The following SURF6 variants were observed in gnomAD, a reference collection of about 807,000 sequenced individuals.
SURF6 encodes the protein surfeit locus protein 6.
SURF6 carries 28 observed loss-of-function variants against 37.5 expected under a neutral mutation model. The observed-to-expected ratio is 0.75, with a 90% CI of 0.55 to 1.02. SURF6 has a LOEUF of 1.02. SURF6 is among the 50% of genes least tolerant of loss of function. SURF6 has a pLI of 0.00. For missense variants in SURF6, 560 were observed against 490.5 expected (o/e 1.14, Z -1.34); for synonymous variants, 248 against 210.9 (o/e 1.18, Z -1.52).
intron 1 of SURF6, among the ~76,000 whole-genome samples, chr9:133,335,104 C>T (rs2129929935): frequency 6.6e-6 from 1 of 152,140 alleles, no homozygotes; most frequent in Non-Finnish European, 1.5e-5. Flanking sequence ...GGACTACAGG[C>T]GCCCACCACT....
In SURF6 at chr9:133,330,697, T is replaced by C. The variant is rs760570547; in HGVS notation, c.*1172A>G. On this transcript the variant is annotated 3_prime_UTR_variant, in exon 5 of 5. Coordinates refer to ENST00000372022, the MANE Select transcript of SURF6 (RefSeq NM_006753.6). The stretch of plus-strand genomic sequence containing the variant: ...GCCTGAGTGACAGAGCAAGACTCTA[T>C]CTAAAAAACAAAAAAAAATAGCTCA... 4 of 151,968 alleles carry C rather than the reference T, an allele frequency of 2.6e-5. No individual in the cohort carries two copies. Among genetic ancestry groups the C allele is most frequent in the Non-Finnish European group, 5.9e-5 (4 of 68,004 alleles). 9.4% of individuals were successfully genotyped at this position (151,968 alleles called of 1,614,324 possible). A position where few individuals can be genotyped will look rare whatever the true frequency, so the allele number is the denominator to read the frequency against.
At chr9:133,335,955 T>C in intron 1 of SURF6, 84 bp downstream of exon 1, 8 of 1,053,370 alleles carry the variant, frequency 7.6e-6, no homozygotes, top group South Asian at 4.4e-5. Context: ...TTTTTTCTAG[T>C]ACTTTACAGA....
chr9:133,333,083 T>C (rs2129922395), intron 3 of SURF6: 8 of 396,120 alleles, frequency 2.0e-5, no homozygotes, highest in East Asian at 5.6e-5. Flanking sequence ...GAACTTGGAG[T>C]TGGCGTCTGA....
At position 133,332,118 on chromosome 9, in the gene SURF6, G is replaced by C. The variant is rs1314007772; in HGVS notation, c.837C>G (p.Gly279=). 1.2e-5 allele frequency: 20 copies of C among 1,610,244 alleles called. No homozygotes were observed. Among genetic ancestry groups the C allele is most frequent in the Non-Finnish European group, 1.7e-5 (20 of 1,179,928 alleles). ...KWTNLLYKAE[G]VKIRDDERLL... is the part of the protein sequence containing the mutation. ...GGCGTTCGTCGTCACGGATCTTCAC[G>C]CCCTCCGCCTTGTAGAGGAGGTTGG... Residue 279 remains glycine (G), a synonymous_variant, in exon 5 of 5, where the codon GGC becomes GGG. Coordinates refer to ENST00000372022, the MANE Select transcript of SURF6 (RefSeq NM_006753.6).
In SURF6 at chr9:133,332,022, C is replaced by A. The variant is rs2129913932; in HGVS notation, c.933G>T (p.Thr311=). 3.1e-6 allele frequency: 5 copies of A among 1,601,202 alleles called. 1 individual carries two copies. The South Asian group carries it at 4.4e-5, about 14-fold the overall frequency. ...GCTGCATCTTCTCCACCACGCCGGC[C>A]GTGCGCTTCTCCCACCGGCGCTGCC... ...AQRQRRWEKR[T]AGVVEKMQQR... The change falls in exon 5 of 5, where the codon ACG becomes ACT. Residue 311 remains threonine, a synonymous_variant. Transcript: ENST00000372022.
In SURF6 at chr9:133,332,337, G is replaced by A. The variant is rs2129917814; in HGVS notation, c.618C>T (p.Ser206=). 16 of 1,579,236 alleles carry A rather than the reference G, an allele frequency of 1.0e-5. 1 individual carries two copies. The highest frequency in any genetic ancestry group is 4.0e-5 in the African/African-American group (3 of 74,352). ...GCGCCTTGCTGGCCGGCTCGTCTTCGCTCACCTCCACCTGGGAGGAAGGTA... is the reference window on the plus strand; with the variant it reads ...GCGCCTTGCTGGCCGGCTCGTCTTCACTCACCTCCACCTGGGAGGAAGGTA... ...PGLIFNKVEV[S]EDEPASKAQR... The change falls in exon 5 of 5, where the codon AGC becomes AGT. Residue 206 remains serine (S), a synonymous_variant. Transcript: ENST00000372022.
At position 133,329,991 on chromosome 9, in the gene SURF6, ATTC is replaced by A. The variant is rs1344587343; in HGVS notation, c.*1875_*1877del. 6.6e-6 allele frequency: 1 copy of A among 152,236 alleles called. No homozygotes were observed. Among genetic ancestry groups the A allele is most frequent in the Non-Finnish European group, 1.5e-5 (1 of 68,040 alleles). The allele number at this position is 152,236 out of a possible 1,614,324, so 9.4% of individuals were successfully genotyped here. On this transcript the variant is annotated 3_prime_UTR_variant, in exon 5 of 5. Coordinates refer to ENST00000372022, the MANE Select transcript of SURF6 (RefSeq NM_006753.6). ...TCCCTGTAAAACCGTCTAGGGGAAC[ATTC>A]TTAACTACTGACTCAATTTCATCAG...
At chr9:133,334,793 C>T (rs1474409733) in intron 1 of SURF6, among the ~76,000 whole-genome samples, 192 bp from the exon 2 acceptor site, 2 of 151,894 alleles carry the variant, frequency 1.3e-5, no homozygotes. Flanking sequence ...TCATCAGGCA[C>T]AAAGATGAGG....
At chr9:133,334,657 C>T in intron 1 of SURF6, 56 bp from the exon 2 acceptor site, 1 of 1,580,258 alleles carries the variant, frequency 6.3e-7, no homozygotes, top group Non-Finnish European at 8.6e-7. Context: ...ATTCAATAGG[C>T]AGGAAAGGCT....
At chr9:133,332,478 GAAGCTAAC>G in intron 4 of SURF6, 62 bp downstream of exon 4, 1 of 1,564,434 alleles carries the variant, frequency 6.4e-7, no homozygotes, top group Non-Finnish European at 8.6e-7. Context: ...GAGAGATCAT[GAAGCTAAC>G]AAGGGGCAAC....
chr9:133,334,701 GAGGATC>G, intron 1 of SURF6, 100 bp from the exon 2 acceptor site: 1 of 1,416,852 alleles, frequency 7.1e-7, no homozygotes, highest in Non-Finnish European at 9.6e-7. Context: ...GATGCCGAAA[GAGGATC>G]AGGATCGGGG....
Position 133,332,745 on chromosome 9 carries a change from G to A in SURF6, c.409C>T (p.Leu137=), listed in dbSNP as rs2129921183. The A allele has an allele frequency of 1.9e-6, 3 of 1,610,830 alleles. No homozygotes were observed. The highest frequency in any genetic ancestry group is 1.7e-6 in the Non-Finnish European group (2 of 1,180,018). Residue 137 remains leucine, a synonymous_variant, in exon 4 of 5, where the codon CTG becomes TTG. Coordinates refer to ENST00000372022, the MANE Select transcript of SURF6 (RefSeq NM_006753.6). ...CTTTTCTCCAAGGCGGCAGGGGACA[G>A]CTCCTTGGCACTGCCCTGGGGGAAA... The part of the protein sequence containing the change: ...EARGQGSAKE[L]SPAALEKRRR...
At position 133,335,373 on chromosome 9, in the gene SURF6, A is replaced by C. The variant is rs192553483; in HGVS notation, c.94+666T>G. ...GAGAAAGACAGACGGAAGACATACT[A>C]GGTAATGAGAAAATTCACTTAAGAT... is the stretch of plus-strand genomic sequence containing the variant. On this transcript the variant is annotated intron_variant, in intron 1 of 4. Coordinates refer to ENST00000372022, the MANE Select transcript of SURF6 (RefSeq NM_006753.6). 3.2e-3 allele frequency among the ~76,000 whole-genome samples: 493 copies of C among 152,308 alleles called. 10 individuals are homozygous for C. Among genetic ancestry groups the C allele is most frequent in the Admixed American group, 0.03 (458 of 15,304 alleles).
In SURF6 at chr9:133,332,716, C is replaced by A. The variant is rs2129920864; in HGVS notation, c.438G>T (p.Arg146=). The change falls in exon 4 of 5, where the codon CGG becomes CGT. Residue 146 remains arginine (R), a synonymous_variant. Coordinates refer to ENST00000372022, the MANE Select transcript of SURF6 (RefSeq NM_006753.6). Reference sequence around the variant, plus strand: ...TCCGGTCCCGTTCCTGCTTTCTCCGCCGCCTTTTCTCCAAGGCGGCAGGGG... The same window carrying A: ...TCCGGTCCCGTTCCTGCTTTCTCCGACGCCTTTTCTCCAAGGCGGCAGGGG... ...ELSPAALEKR[R]RRKQERDRKK... is the part of the protein sequence containing the mutation. 1 of 1,611,972 alleles carries A rather than the reference C, an allele frequency of 6.2e-7. No homozygotes were observed. Among genetic ancestry groups the A allele is most frequent in the East Asian group, 2.2e-5 (1 of 44,882 alleles).
chr9:133,334,327 G>A (rs993180848), intron 2 of SURF6, 65 bp downstream of exon 2: 5 of 1,478,050 alleles, frequency 3.4e-6, no homozygotes, highest in Non-Finnish European at 4.5e-6. Context: ...GAGCAAAGGG[G>A]ACCAAGCCCA....
rs374646780 is a variant in SURF6, at chr9:133,332,569, C to A, written c.585G>T (p.Pro195=). Residue 195 remains proline, a synonymous_variant, in exon 4 of 5, where the codon CCG becomes CCT. Transcript: ENST00000372022. Reference sequence around the variant, plus strand: ...TCACCTTATTGAAGATCAGCCCGGGCGGCTCCCGCGGCTCCGTGCAGGCCC... The same window carrying A: ...TCACCTTATTGAAGATCAGCCCGGGAGGCTCCCGCGGCTCCGTGCAGGCCC... ...PEGACTEPRE[P]PGLIFNKVEV... 1.2e-6 allele frequency: 2 copies of A among 1,608,516 alleles called. No individual in the cohort carries two copies. The highest frequency in any genetic ancestry group is 8.5e-7 in the Non-Finnish European group (1 of 1,179,900).
rs2129923918 is a variant in SURF6, at chr9:133,333,628, G to C, written c.393+90C>G. On this transcript the variant is annotated intron_variant, in intron 3 of 4. Transcript: ENST00000372022. ...CCTGCCAGACTCGCTGCAGAGGGGAGAACAGGGGCTACGGCCCCTCGCTGA... is the reference window on the plus strand; with the variant it reads ...CCTGCCAGACTCGCTGCAGAGGGGACAACAGGGGCTACGGCCCCTCGCTGA... 3.1e-5 allele frequency: 38 copies of C among 1,239,196 alleles called. 1 individual carries two copies. The Admixed American group carries it at 4.3e-4, about 14-fold the overall frequency. The allele number at this position is 1,239,196 out of a possible 1,614,324, so 76.8% of individuals were successfully genotyped here.
chr9:133,334,656 G>C, intron 1 of SURF6, 55 bp from the exon 2 acceptor site: 1 of 1,579,936 alleles, frequency 6.3e-7, no homozygotes, highest in Non-Finnish European at 8.6e-7. Flanking sequence ...CATTCAATAG[G>C]CAGGAAAGGC....
chr9:133,332,422 C>A, intron 4 of SURF6, 74 bp from the exon 5 acceptor site: 2 of 1,529,032 alleles, frequency 1.3e-6, no homozygotes, highest in Non-Finnish European at 1.7e-6. Flanking sequence ...CCCTAAGGGA[C>A]CTGCGAGGTC....
Sources: allele counts gnomAD v4.1 joint callset (sites outside exome capture counted in the v4.1 genomes callset), GRCh38; gene constraint gnomAD v4.1.1; transcripts MANE v1.5; gene names NCBI Gene and HGNC (gene_info 2026-07-23, HGNC 2026-07-21).